The following SCCPDH variants were observed in gnomAD, a reference collection of about 807,000 sequenced individuals.
SCCPDH encodes saccharopine dehydrogenase (putative).
SCCPDH carries 34 observed loss-of-function variants against 51.5 expected under a neutral mutation model. The ratio of observed to expected loss-of-function variants is 0.66; its 90% CI spans 0.50 to 0.88. The LOEUF (loss-of-function observed/expected upper bound fraction) is 0.88. Ranked by LOEUF, SCCPDH falls within the 40% of genes least tolerant of loss-of-function variation. SCCPDH has a pLI of 0.00. For synonymous variants in SCCPDH, 187 were observed against 191.3 expected (o/e 0.98, Z 0.19); for missense variants, 464 against 527.1 (o/e 0.88, Z 1.17).
intron 2 of SCCPDH, among the ~76,000 whole-genome samples, chr1:246,730,312 C>T (rs2102980022): frequency 6.6e-6 from 1 of 152,338 alleles, no homozygotes; most frequent in South Asian, 2.1e-4. Flanking sequence ...TGCTCAGCTT[C>T]TACGTTGTCA....
intron 9 of SCCPDH, 96 bp from the exon 10 acceptor site, chr1:246,764,150 G>A (rs1323760636): frequency 2.8e-6 from 2 of 703,850 alleles, no homozygotes; most frequent in African/African-American, 1.8e-5. Flanking sequence ...TTCATCTATT[G>A]ACAATGTCTC....
chr1:246,762,841 C>CA lies in SCCPDH; in HGVS notation c.991-1384dup, dbSNP rs35066232. 7.9e-3 allele frequency among the ~76,000 whole-genome samples: 719 copies of CA among 90,754 alleles called. 4 individuals carry two copies. The highest frequency in any genetic ancestry group is 0.011 in the African/African-American group (254 of 24,158). The allele number at this position is 90,754 out of a possible 152,430, so 59.5% of individuals were successfully genotyped here. ...GGGCAACACAGCGAGATTCCTTCTC[C>CA]AAAAAAAAAAAAAAAAAAAAAGAAT... On this transcript the variant is annotated intron_variant, in intron 9 of 11. Transcript: ENST00000366510.
intron 10 of SCCPDH, 93 bp downstream of exon 10, chr1:246,764,450 A>T: frequency 1.7e-6 from 1 of 603,034 alleles, no homozygotes; most frequent in Admixed American, 3.2e-5. Context: ...TTAAAGCTTA[A>T]TTGTTTTAGA....
chr1:246,766,036 C>T (rs971213522), intron 10 of SCCPDH, 22 bp from the exon 11 acceptor site: 7 of 1,539,334 alleles, frequency 4.5e-6, no homozygotes, highest in South Asian at 1.2e-5. Context: ...TTTCTTTTTC[C>T]CTGATCAACT....
At chr1:246,732,432 G>T (rs1253970525) in intron 2 of SCCPDH, among the ~76,000 whole-genome samples, 1 of 151,688 alleles carries the variant, frequency 6.6e-6, no homozygotes, top group Non-Finnish European at 1.5e-5. Flanking sequence ...CTGTCACCCA[G>T]GCGGAAATGC....
At chr1:246,764,484 A>G in intron 10 of SCCPDH, 127 bp downstream of exon 10, 1 of 504,030 alleles carries the variant, frequency 2.0e-6, no homozygotes, top group Non-Finnish European at 3.4e-6. Context: ...AAATTAAGTA[A>G]CTTAAAATTA....
At chr1:246,766,217 G>C in intron 11 of SCCPDH, 78 bp downstream of exon 11, 1 of 1,081,632 alleles carries the variant, frequency 9.2e-7, no homozygotes, top group Non-Finnish European at 1.4e-6. Context: ...TGATTTTCAG[G>C]CTTTGGGTTT....
At chr1:246,737,473 C>G (rs1054406293) in intron 3 of SCCPDH, among the ~76,000 whole-genome samples, 1 of 151,948 alleles carries the variant, frequency 6.6e-6, no homozygotes, top group Non-Finnish European at 1.5e-5. Context: ...CATAGTGAGA[C>G]CCTGTCTCCA....
intron 3 of SCCPDH, among the ~76,000 whole-genome samples, chr1:246,736,803 A>G (rs1160248144): frequency 6.6e-6 from 1 of 152,250 alleles, no homozygotes; most frequent in South Asian, 2.1e-4. Context: ...TTAAATGTTC[A>G]CATTTATTGA....
chr1:246,727,888 G>A (rs1668426232), intron 2 of SCCPDH, among the ~76,000 whole-genome samples: 1 of 152,144 alleles, frequency 6.6e-6, no homozygotes, highest in Non-Finnish European at 1.5e-5. Context: ...GCCAGGATGT[G>A]GATTTTTTTT....
At chr1:246,753,611 C>G (rs1668887216) in intron 5 of SCCPDH, among the ~76,000 whole-genome samples, 1 of 151,942 alleles carries the variant, frequency 6.6e-6, no homozygotes, top group Non-Finnish European at 1.5e-5. Context: ...TTGTTATTGT[C>G]CCACCTGAGG....
intron 4 of SCCPDH, among the ~76,000 whole-genome samples, chr1:246,741,015 T>C (rs1668667978): frequency 6.6e-6 from 1 of 152,072 alleles, no homozygotes; most frequent in Non-Finnish European, 1.5e-5. Flanking sequence ...ACCCAGGAGT[T>C]TGAGGCTTTA....
At chr1:246,740,053 A>G (rs1279880132) in intron 3 of SCCPDH, 119 bp from the exon 4 acceptor site, 4 of 682,714 alleles carry the variant, frequency 5.9e-6, no homozygotes, top group Non-Finnish European at 9.3e-6. Context: ...GTTTTGCTGC[A>G]GAGCCACACT....
At chr1:246,754,176 C>T (rs1323951248) in intron 5 of SCCPDH, among the ~76,000 whole-genome samples, 3 of 152,108 alleles carry the variant, frequency 2.0e-5, no homozygotes, top group African/African-American at 4.8e-5. Context: ...AAACGCTTGG[C>T]TGCTCCTGTG....
Position 246,737,377 on chromosome 1 carries a change from G to A in SCCPDH, c.384+1322G>A, listed in dbSNP as rs572343145. On this transcript the variant is annotated intron_variant, in intron 3 of 11. Coordinates refer to ENST00000366510, the MANE Select transcript of SCCPDH (RefSeq NM_016002.3). ...CACACCTGTGGTCCCACCTACTCAG[G>A]AGAATGAGACAGGAATATCACTTGA... Among the ~76,000 whole-genome samples, 3 of 152,148 alleles carry A rather than the reference G, an allele frequency of 2.0e-5. No individual in the cohort carries two copies. The South Asian group carries it at 6.2e-4, about 32-fold the overall frequency.
chr1:246,752,520 G>C (rs1413889720), intron 5 of SCCPDH, among the ~76,000 whole-genome samples: 1 of 152,232 alleles, frequency 6.6e-6, no homozygotes, highest in Non-Finnish European at 1.5e-5. Flanking sequence ...CCGTCACAGA[G>C]AAGACCTTCA....
At chr1:246,742,088 C>CGAAT (rs879307420) in intron 4 of SCCPDH, among the ~76,000 whole-genome samples, 185 of 152,164 alleles carry the variant, frequency 1.2e-3, no homozygotes, top group Admixed American at 8.5e-4. Context: ...AATGAATGAA[C>CGAAT]GAATGAATGA....
At chr1:246,758,929 C>T (rs1668972223) in intron 6 of SCCPDH, 105 bp from the exon 7 acceptor site, 1 of 763,846 alleles carries the variant, frequency 1.3e-6, no homozygotes, top group East Asian at 2.6e-5. Flanking sequence ...GCTGGGATTA[C>T]AGGCATGAGC....
chr1:246,728,649 C>T (rs1303583929), intron 2 of SCCPDH, among the ~76,000 whole-genome samples: 2 of 152,216 alleles, frequency 1.3e-5, no homozygotes, highest in Admixed American at 1.3e-4. Context: ...AGTATCCCGT[C>T]TCTCTTTCCT....
Sources: allele counts gnomAD v4.1 joint callset (sites outside exome capture counted in the v4.1 genomes callset), GRCh38; gene constraint gnomAD v4.1.1; transcripts MANE v1.5; gene names NCBI Gene and HGNC (gene_info 2026-07-23, HGNC 2026-07-21).